Variants in CTIF observed in about 807,000 individuals in gnomAD.
CTIF encodes CBP80/20-dependent translation initiation factor.
CTIF carries 21 observed loss-of-function variants against 66.0 expected under a neutral mutation model. The observed-to-expected ratio is 0.32, with a 90% CI of 0.23 to 0.46. CTIF has a LOEUF of 0.46. Among genes scored for constraint, CTIF ranks in the 20% least tolerant of loss-of-function variants. The pLI, the probability that CTIF is intolerant of heterozygous loss-of-function variation, is 1.00. For missense variants in CTIF, 739 were observed against 812.7 expected (o/e 0.91, Z 1.10); for synonymous variants, 345 against 326.4 (o/e 1.06, Z -0.62).
intron 7 of CTIF, among the ~76,000 whole-genome samples, chr18:48,718,075 A>G (rs1215414702): frequency 1.3e-5 from 2 of 152,158 alleles, no homozygotes; most frequent in Admixed American, 1.3e-4. Flanking sequence ...AGGGTTCCCT[A>G]AATGTGTCAG....
intron 6 of CTIF, among the ~76,000 whole-genome samples, chr18:48,681,893 C>A (rs1164383894): frequency 6.6e-6 from 1 of 152,182 alleles, no homozygotes; most frequent in African/African-American, 2.4e-5. Flanking sequence ...TCAAGCAATT[C>A]TCCTACCTCA....
chr18:48,545,449 A>G (rs1346929581), intron 1 of CTIF, among the ~76,000 whole-genome samples: 1 of 152,180 alleles, frequency 6.6e-6, no homozygotes, highest in African/African-American at 2.4e-5. Flanking sequence ...CATGCATCTA[A>G]GGATGGACCA....
chr18:48,786,570 CA>C (rs1209724839), intron 9 of CTIF, among the ~76,000 whole-genome samples: 4 of 152,304 alleles, frequency 2.6e-5, no homozygotes, highest in African/African-American at 7.2e-5. Context: ...ACATAGAAAA[CA>C]AGAAAATCCC....
chr18:48,608,664 A>T (rs7243822), intron 1 of CTIF, among the ~76,000 whole-genome samples: 8 of 152,014 alleles, frequency 5.3e-5, no homozygotes, highest in Non-Finnish European at 4.4e-5. Context: ...CTGCCTTGCA[A>T]CCATAGCACA....
intron 7 of CTIF, among the ~76,000 whole-genome samples, chr18:48,729,412 A>T (rs1368661376): frequency 2.0e-5 from 3 of 152,266 alleles, no homozygotes; most frequent in Admixed American, 6.5e-5. Flanking sequence ...AGACACTGAC[A>T]GAGAAGGCTT....
At chr18:48,559,439 T>G (rs980564078) in intron 1 of CTIF, among the ~76,000 whole-genome samples, 2 of 152,182 alleles carry the variant, frequency 1.3e-5, no homozygotes, top group African/African-American at 4.8e-5. Flanking sequence ...AATAAATGAT[T>G]AGAATTTAAG....
intron 2 of CTIF, among the ~76,000 whole-genome samples, chr18:48,631,055 G>A (rs2090702749): frequency 6.6e-6 from 1 of 152,174 alleles, no homozygotes; most frequent in African/African-American, 2.4e-5. Flanking sequence ...ACTGAAATGG[G>A]GGCCTGGTCT....
chr18:48,829,228 T>A (rs1232727445), intron 10 of CTIF, among the ~76,000 whole-genome samples: 1 of 152,114 alleles, frequency 6.6e-6, no homozygotes, highest in Non-Finnish European at 1.5e-5. Flanking sequence ...GGGTAATCCT[T>A]TGGGGTTAAA....
chr18:48,817,403 T>C lies in CTIF; in HGVS notation c.1527+27T>C, dbSNP rs202151158. Reference sequence around the variant, plus strand: ...TAAGAGACCTGCCGCCTGTGCCCCCTGCACAGCCAGACAGCACCAGGTCTG... The same window carrying C: ...TAAGAGACCTGCCGCCTGTGCCCCCCGCACAGCCAGACAGCACCAGGTCTG... On this transcript the variant is annotated intron_variant, in intron 10 of 11. Coordinates refer to ENST00000256413, the MANE Select transcript of CTIF (RefSeq NM_014772.3). 7 of 1,592,952 alleles carry C rather than the reference T, an allele frequency of 4.4e-6. No individual in the cohort carries two copies. In the Admixed American group the frequency reaches 8.5e-5, roughly 19 times the overall value.
intron 3 of CTIF, among the ~76,000 whole-genome samples, chr18:48,655,713 A>G (rs1287670114): frequency 6.6e-6 from 1 of 152,126 alleles, no homozygotes; most frequent in Non-Finnish European, 1.5e-5. Flanking sequence ...CCTCTGCCCC[A>G]GTGTCACCTG....
intron 1 of CTIF, among the ~76,000 whole-genome samples, chr18:48,599,427 C>A (rs553933250): frequency 2.0e-5 from 3 of 152,038 alleles, no homozygotes; most frequent in Non-Finnish European, 4.4e-5. Flanking sequence ...AGTCCTAATA[C>A]CACCTCTGAA....
chr18:48,761,582 G>C lies in CTIF; in HGVS notation c.1264G>C (p.Val422Leu), dbSNP rs146510674. 2 of 1,614,102 alleles carry C rather than the reference G, an allele frequency of 1.2e-6. No homozygotes were observed. Among genetic ancestry groups the C allele is most frequent in the Non-Finnish European group, 1.7e-6 (2 of 1,180,056 alleles). ...EIVRTIYQKA[V>L]SDRSFAFTAA... ...CGTGCGCACAATCTACCAGAAGGCT[G>C]TGTCCGACCGCAGCTTCGCCTTCAC... Residue 422 changes from valine (V) to leucine (L), a missense_variant, in exon 9 of 12, where the codon GTG becomes CTG. Val to Leu is a conservative substitution (Grantham distance 32). This residue lies in a region of CTIF where 210 missense variants were observed against 292.3 expected (regional missense o/e 0.72). Coordinates refer to ENST00000256413, the MANE Select transcript of CTIF (RefSeq NM_014772.3). The surrounding 1 kb of genome is among the most constrained non-coding windows in gnomAD (Gnocchi z 4.2).
chr18:48,670,591 T>C (rs750187970), intron 5 of CTIF, 78 bp from the exon 6 acceptor site: 2 of 1,321,658 alleles, frequency 1.5e-6, no homozygotes, highest in Non-Finnish European at 2.2e-6. Context: ...TGACTGTCCC[T>C]CCTCTCCTGC....
At chr18:48,639,146 C>A (rs116753214) in intron 3 of CTIF, among the ~76,000 whole-genome samples, 3 of 152,198 alleles carry the variant, frequency 2.0e-5, no homozygotes, top group Non-Finnish European at 4.4e-5. Flanking sequence ...CCGGCTGGGA[C>A]GGAAGGGAAG....
At chr18:48,570,462 C>G (rs578207998) in intron 1 of CTIF, among the ~76,000 whole-genome samples, 1 of 152,318 alleles carries the variant, frequency 6.6e-6, no homozygotes, top group South Asian at 2.1e-4. Flanking sequence ...AGAGAGCCTT[C>G]TAGCATGGAA....
At chr18:48,854,658 C>A (rs1320645773) in intron 10 of CTIF, among the ~76,000 whole-genome samples, 1 of 152,130 alleles carries the variant, frequency 6.6e-6, no homozygotes, top group South Asian at 2.1e-4. Context: ...TGGTGGCTCA[C>A]ACCTATAATC....
intron 1 of CTIF, among the ~76,000 whole-genome samples, chr18:48,611,404 G>A (rs928556337): frequency 3.3e-5 from 5 of 152,250 alleles, no homozygotes; most frequent in East Asian, 1.9e-4. Flanking sequence ...TGGGCCCTGC[G>A]TGGGCCATAA....
At chr18:48,638,033 A>G (rs1397028587) in intron 3 of CTIF, among the ~76,000 whole-genome samples, 1 of 151,784 alleles carries the variant, frequency 6.6e-6, no homozygotes. Flanking sequence ...ACCTTGCCCA[A>G]CTGCAGGAGG....
At chr18:48,672,871 A>G (rs970925527) in intron 6 of CTIF, among the ~76,000 whole-genome samples, 5 of 152,072 alleles carry the variant, frequency 3.3e-5, no homozygotes, top group Admixed American at 6.5e-5. Context: ...ACCCTTGCCC[A>G]GCCTCTGTCC....
Sources: gnomAD v4.1 joint callset for allele counts (sites outside exome capture counted in the v4.1 genomes callset) on GRCh38, gnomAD v4.1.1 for gene constraint, gnomAD v4.1.1 regional missense constraint, Gnocchi (gnomAD v3.1) non-coding constraint, MANE v1.5 for transcripts, NCBI Gene and HGNC (gene_info 2026-07-23, HGNC 2026-07-21) for gene names.